The following LEO1 variants were observed in gnomAD, a reference collection of about 807,000 sequenced individuals.
LEO1 encodes RNA polymerase-associated protein LEO1.
LEO1 carries 34 observed loss-of-function variants against 80.4 expected under a neutral mutation model. The observed-to-expected ratio is 0.42, with a 90% CI of 0.32 to 0.56. The LOEUF (loss-of-function observed/expected upper bound fraction) is 0.56, where lower values mean the gene tolerates loss of function less well. LEO1 is among the 20% of genes least tolerant of loss of function. The pLI, the probability that LEO1 is intolerant of heterozygous loss-of-function variation, is 0.10. For missense variants in LEO1, 631 were observed against 814.2 expected, an observed-to-expected ratio of 0.77 and a Z score of 2.74; for synonymous variants, 262 against 274.9, an observed-to-expected ratio of 0.95 and a Z score of 0.46.
intron 11 of LEO1, among the ~76,000 whole-genome samples, chr15:51,943,064 G>C (rs2056868939): frequency 6.6e-6 from 1 of 151,626 alleles, no homozygotes; most frequent in Non-Finnish European, 1.5e-5. Context: ...ACCAGCTTGG[G>C]CAACAAAGTG....
rs1310004927 is a variant in LEO1 at position 51,960,677 on chromosome 15, C to A, written c.976G>T (p.Asp326Tyr). Residue 326 changes from aspartate (D) to tyrosine (Y), a missense_variant, in exon 4 of 12, where the codon GAT becomes TAT. Transcript: ENST00000299601. The part of the protein sequence containing the change: ...GGADDISSGS[D>Y]GEDKPPTPGQ... The stretch of plus-strand genomic sequence containing the variant: ...GGAGTAGGTGGTTTGTCTTCTCCAT[C>A]ACTCCCTGAAGAGATATCATCTGCA... The A allele has an allele frequency of 1.2e-6, 2 of 1,611,338 alleles. No individual in the cohort carries two copies. Among genetic ancestry groups the A allele is most frequent in the Non-Finnish European group, 1.7e-6 (2 of 1,177,540 alleles).
chr15:51,961,212 G>A (rs2470613), intron 3 of LEO1, among the ~76,000 whole-genome samples: 7,251 of 152,152 alleles, frequency 0.048, 409 homozygotes, highest in African/African-American at 0.12. Flanking sequence ...GTGAAACCCC[G>A]TCTCTACTAA....
In LEO1 at chr15:51,966,248, A is replaced by T. The variant is rs1343201973; in HGVS notation, c.315T>A (p.Asp105Glu). Residue 105 changes from aspartate to glutamate, a missense_variant, in exon 2 of 12, where the codon GAT (aspartate) becomes GAA (glutamate). Coordinates refer to ENST00000299601, the MANE Select transcript of LEO1 (RefSeq NM_138792.4). ...TAGGGGCTTCTGATCCACTGTGCTGATCTACATCTGAGGGGTCATTGTCCT... is the reference window on the plus strand; with the variant it reads ...TAGGGGCTTCTGATCCACTGTGCTGTTCTACATCTGAGGGGTCATTGTCCT... ...DHEDNDPSDVDQHSGSEAPND... is the reference protein window; with the variant it reads ...DHEDNDPSDVEQHSGSEAPND... 6.2e-7 allele frequency: 1 copy of T among 1,613,972 alleles called. No individual in the cohort carries two copies. The highest frequency in any genetic ancestry group is 1.1e-5 in the South Asian group (1 of 91,076).
chr15:51,951,255 T>C (rs923315184), intron 9 of LEO1, among the ~76,000 whole-genome samples: 5 of 152,206 alleles, frequency 3.3e-5, no homozygotes, highest in African/African-American at 1.2e-4. Flanking sequence ...TACTACTGCA[T>C]ATGGCTTCTC....
At chr15:51,944,612 A>G (rs971036358) in intron 11 of LEO1, among the ~76,000 whole-genome samples, 2 of 152,170 alleles carry the variant, frequency 1.3e-5, no homozygotes, top group Admixed American at 1.3e-4. Context: ...AACTTAAGGG[A>G]AGTCCTTATC....
In LEO1 at chr15:51,966,021, T is replaced by C. The variant is rs1451079563; in HGVS notation, c.542A>G (p.Asp181Gly). The change falls in exon 2 of 12, where the codon GAT becomes GGT. Residue 181 changes from aspartate (D) to glycine (G), a missense_variant. Transcript: ENST00000299601. ...SDEDKLQNSD[D>G]DEKMQNTDDE... ...ATCTGTGTTCTGCATTTTCTCATCA[T>C]CGTCAGAATTCTGCAGCTTATCTTC... The C allele has an allele frequency of 1.2e-5, 20 of 1,614,200 alleles. No individual in the cohort carries two copies. Among genetic ancestry groups the C allele is most frequent in the Non-Finnish European group, 1.7e-5 (20 of 1,180,020 alleles).
chr15:51,962,924 T>TGC (rs2057042937), intron 2 of LEO1, among the ~76,000 whole-genome samples: 1 of 111,052 alleles, frequency 9.0e-6, no homozygotes, highest in Admixed American at 1.1e-4. Context: ...ATGCAGAACA[T>TGC]GCCCCCCCCC....
Position 51,964,695 on chromosome 15 carries a change from G to A in LEO1, c.814+1054C>T, listed in dbSNP as rs534157290. ...ATGTGGTTTCTGAATCCTGTCCTGTGAGGTGTGTGTTAGATGCCCTCATAT... is the reference window on the plus strand; with the variant it reads ...ATGTGGTTTCTGAATCCTGTCCTGTAAGGTGTGTGTTAGATGCCCTCATAT... On this transcript the variant is annotated intron_variant, in intron 2 of 11. Transcript: ENST00000299601. Among the ~76,000 whole-genome samples the A allele has an allele frequency of 7.2e-4, 110 of 152,230 alleles. 1 individual carries two copies. The highest frequency in any genetic ancestry group is 2.6e-3 in the African/African-American group (109 of 41,532).
chr15:51,966,590 T>A, intron 1 of LEO1, 86 bp from the exon 2 acceptor site: 1 of 774,282 alleles, frequency 1.3e-6, no homozygotes, highest in Non-Finnish European at 2.1e-6. Flanking sequence ...ATAAAAGCAA[T>A]GAAGAAACTG....
intron 11 of LEO1, among the ~76,000 whole-genome samples, chr15:51,942,939 C>CA (rs79457757): frequency 7.6e-4 from 107 of 140,074 alleles, no homozygotes; most frequent in South Asian, 2.3e-3. Context: ...AAAAAAAAAC[C>CA]AAAAAAAAAA....
Position 51,966,447 on chromosome 15 carries a change from T to G in LEO1, c.116A>C (p.Asn39Thr). The change falls in exon 2 of 12, where the codon AAT becomes ACT. Residue 39 changes from asparagine to threonine, a missense_variant. Asn to Thr is a moderately conservative substitution (Grantham distance 65). Coordinates refer to ENST00000299601, the MANE Select transcript of LEO1 (RefSeq NM_138792.4). The part of the protein sequence containing the change: ...SDQENAASGS[N>T]ASGSESDQDE... ...CTGATCACTTTCACTTCCAGAGGCATTACTGCCAGAGGCAGCATTCTCTTG... is the reference window on the plus strand; with the variant it reads ...CTGATCACTTTCACTTCCAGAGGCAGTACTGCCAGAGGCAGCATTCTCTTG... 6.2e-7 allele frequency: 1 copy of G among 1,613,810 alleles called. No homozygotes were observed. The highest frequency in any genetic ancestry group is 8.5e-7 in the Non-Finnish European group (1 of 1,179,774).
At position 51,951,989 on chromosome 15, in the gene LEO1, A is replaced by G. The variant is rs761311685; in HGVS notation, c.1476-10T>C. ...GTCCGTAGAGTGAGGTCTGCCAGGA[A>G]ATAAACGAAGAGCATATCACTGTTT... On this transcript the variant is annotated splice_polypyrimidine_tract_variant and intron_variant, in intron 8 of 11. Transcript: ENST00000299601. 6.2e-7 allele frequency: 1 copy of G among 1,610,664 alleles called. No homozygotes were observed. The highest frequency in any genetic ancestry group is 8.5e-7 in the Non-Finnish European group (1 of 1,177,944).
Position 51,971,677 on chromosome 15 carries a change from A to C in LEO1, c.58+11T>G. The stretch of plus-strand genomic sequence containing the variant: ...GCCACGCACCCATCCTCCGAAGACC[A>C]GCGAACCCACCTTTACGCTCAGCTT... On this transcript the variant is annotated intron_variant, in intron 1 of 11. Coordinates refer to ENST00000299601, the MANE Select transcript of LEO1 (RefSeq NM_138792.4). 6.2e-7 allele frequency: 1 copy of C among 1,613,774 alleles called. No homozygotes were observed. Among genetic ancestry groups the C allele is most frequent in the East Asian group, 2.2e-5 (1 of 44,884 alleles).
chr15:51,953,067 G>A, intron 8 of LEO1, 62 bp downstream of exon 8: 1 of 1,425,796 alleles, frequency 7.0e-7, no homozygotes, highest in African/African-American at 1.4e-5. Context: ...AGGCATTACA[G>A]AAACATCTAT....
At chr15:51,946,010 G>C (rs970699006) in intron 11 of LEO1, among the ~76,000 whole-genome samples, 1 of 151,282 alleles carries the variant, frequency 6.6e-6, no homozygotes, top group Non-Finnish European at 1.5e-5. Context: ...CTCCAGCCTG[G>C]GCAACAGAGC....
intron 1 of LEO1, among the ~76,000 whole-genome samples, chr15:51,968,838 A>AT (rs1394026608): frequency 6.6e-6 from 1 of 152,188 alleles, no homozygotes. Context: ...CAAAAAAAAA[A>AT]AGGAAAGTGA....
chr15:51,962,937 A>G (rs937760582), intron 2 of LEO1, among the ~76,000 whole-genome samples: 3 of 144,186 alleles, frequency 2.1e-5, no homozygotes, highest in African/African-American at 7.5e-5. Context: ...CCCCCCCCCA[A>G]AAAATTAACT....
Position 51,965,269 on chromosome 15 carries a change from T to C in LEO1, c.814+480A>G, listed in dbSNP as rs143639696. On this transcript the variant is annotated intron_variant, in intron 2 of 11. Transcript: ENST00000299601. ...CTAGTTTGAGTAAACTCCTTAGAGC[T>C]TGACCATCTCTGGATGATCAAATTT... 2.6e-5 allele frequency among the ~76,000 whole-genome samples: 4 copies of C among 152,346 alleles called. No individual in the cohort carries two copies. In the East Asian group the frequency reaches 5.8e-4, roughly 22 times the overall value.
intron 2 of LEO1, among the ~76,000 whole-genome samples, chr15:51,964,192 C>G (rs890873693): frequency 6.6e-6 from 1 of 150,404 alleles, no homozygotes; most frequent in African/African-American, 2.4e-5. Context: ...GGAGACAGAG[C>G]GAGACTCCGT....
Sources: gnomAD v4.1 joint callset for allele counts (sites outside exome capture counted in the v4.1 genomes callset) on GRCh38, gnomAD v4.1.1 for gene constraint, MANE v1.5 for transcripts, NCBI Gene and HGNC (gene_info 2026-07-23, HGNC 2026-07-21) for gene names.